CDYL: variants seen among roughly 807,000 people sequenced by gnomAD.
CDYL encodes chromodomain Y like.
CDYL carries 8 observed loss-of-function variants against 47.3 expected under a neutral mutation model. The ratio of observed to expected loss-of-function variants is 0.17; its 90% confidence interval spans 0.10 to 0.31. The LOEUF (loss-of-function observed/expected upper bound fraction) is 0.31. Ranked by LOEUF, CDYL falls within the 10% of genes least tolerant of loss-of-function variation. The pLI is 1.00. For missense variants in CDYL, 471 were observed against 701.4 expected (o/e 0.67, Z 3.71); for synonymous variants, 266 against 265.0 (o/e 1.00, Z -0.04).
upstream of CDYL, among the ~76,000 whole-genome samples, chr6:4,774,292 A>G (rs1378461950): frequency 6.6e-6 from 1 of 152,196 alleles, no homozygotes; most frequent in Non-Finnish European, 1.5e-5. Flanking sequence ...CCAGTATTTG[A>G]GCGCTTGCCG....
intron 2 of CDYL, among the ~76,000 whole-genome samples, chr6:4,900,779 G>GTGTATGTATATATATATA: frequency 3.9e-5 from 2 of 51,720 alleles, no homozygotes; most frequent in African/African-American, 1.3e-4. Context: ...GTATACGTGT[G>GTGTATGTATATATATATA]TATATATATA....
At chr6:4,891,499 G>A (rs993541799) in intron 1 of CDYL, among the ~76,000 whole-genome samples, 4 of 152,160 alleles carry the variant, frequency 2.6e-5, no homozygotes, top group South Asian at 2.1e-4. Flanking sequence ...ATATCCACAC[G>A]TTCTCAGCAT....
intron 1 of CDYL, among the ~76,000 whole-genome samples, chr6:4,709,448 G>A (rs1234735284): frequency 6.6e-6 from 1 of 152,042 alleles, no homozygotes; most frequent in Non-Finnish European, 1.5e-5. Flanking sequence ...CGCCTGCCTC[G>A]GCTTCCCAAA....
intron 4 of CDYL, among the ~76,000 whole-genome samples, chr6:4,942,145 C>T (rs1581284098): frequency 6.6e-6 from 1 of 152,312 alleles, no homozygotes; most frequent in East Asian, 1.9e-4. Context: ...ATGCCTCAGG[C>T]TCTCTCATTT....
At chr6:4,904,826 A>G (rs112597212) in intron 2 of CDYL, among the ~76,000 whole-genome samples, 1,659 of 152,312 alleles carry the variant, frequency 0.011, 39 homozygotes, top group African/African-American at 0.039. Context: ...GGTTGTACTT[A>G]GGACCCGTGT....
chr6:4,755,522 A>G (rs1374251989), intron 3 of CDYL, among the ~76,000 whole-genome samples: 2 of 152,226 alleles, frequency 1.3e-5, no homozygotes, highest in East Asian at 3.8e-4. Flanking sequence ...GGACCTGAAT[A>G]TCACTTGAGT....
chr6:4,779,188 T>C (rs560899192), intron 1 of CDYL, among the ~76,000 whole-genome samples: 1 of 152,352 alleles, frequency 6.6e-6, no homozygotes, highest in Non-Finnish European at 1.5e-5. Context: ...CGCGATAGTC[T>C]GACAAGGCTG....
intron 1 of CDYL, among the ~76,000 whole-genome samples, chr6:4,803,000 C>G (rs1759268912): frequency 3.3e-5 from 5 of 152,182 alleles, no homozygotes; most frequent in Admixed American, 3.3e-4. Flanking sequence ...GTCCCCCACC[C>G]CACACTATCC....
At chr6:4,916,740 T>A (rs1169833723) in intron 2 of CDYL, among the ~76,000 whole-genome samples, 1 of 152,232 alleles carries the variant, frequency 6.6e-6, no homozygotes, top group Non-Finnish European at 1.5e-5. Flanking sequence ...CTCTCCATTC[T>A]CTCAACAGCC....
At chr6:4,822,147 T>C (rs1759856753) in intron 1 of CDYL, among the ~76,000 whole-genome samples, 1 of 143,918 alleles carries the variant, frequency 6.9e-6, no homozygotes, top group Non-Finnish European at 1.5e-5. Flanking sequence ...TTTTCTTTTC[T>C]TTATTTTTTT....
intron 2 of CDYL, 146 bp from the exon 3 acceptor site, chr6:4,935,369 C>G (rs1197808577): frequency 2.8e-6 from 2 of 721,180 alleles, no homozygotes; most frequent in Non-Finnish European, 4.5e-6. Context: ...TAGACTTTGG[C>G]TTTCTAAAGG....
intron 2 of CDYL, among the ~76,000 whole-genome samples, chr6:4,935,222 A>G (rs1361871408): frequency 6.6e-6 from 1 of 152,132 alleles, no homozygotes; most frequent in Non-Finnish European, 1.5e-5. Context: ...TTCTGTCTTG[A>G]TTCTGTCCTT....
intron 3 of CDYL, among the ~76,000 whole-genome samples, chr6:4,737,636 A>G (rs1277487802): frequency 6.6e-6 from 1 of 151,842 alleles, no homozygotes; most frequent in East Asian, 1.9e-4. Context: ...AAAAAAAAAA[A>G]TAGCCTCAGC....
intron 2 of CDYL, among the ~76,000 whole-genome samples, chr6:4,930,984 C>A (rs1317731107): frequency 6.6e-6 from 1 of 152,090 alleles, no homozygotes; most frequent in Non-Finnish European, 1.5e-5. Flanking sequence ...TTCTGAATCT[C>A]AGTGTTTACC....
intron 1 of CDYL, among the ~76,000 whole-genome samples, chr6:4,823,441 C>G (rs1759894608): frequency 6.6e-6 from 1 of 152,206 alleles, no homozygotes; most frequent in Admixed American, 6.5e-5. Flanking sequence ...TGCATGCCTT[C>G]CATACTATCT....
chr6:4,878,259 G>A (rs1761669972), intron 1 of CDYL, among the ~76,000 whole-genome samples: 1 of 151,950 alleles, frequency 6.6e-6, no homozygotes, highest in Non-Finnish European at 1.5e-5. Flanking sequence ...ATAAAGCAAA[G>A]TAGGAAATAG....
In CDYL at chr6:4,840,155, C is replaced by G. The variant is rs552911277; in HGVS notation, c.25-51558C>G. On this transcript the variant is annotated intron_variant, in intron 1 of 6. Transcript: ENST00000397588. The stretch of plus-strand genomic sequence containing the variant: ...TCACCTCCTTAGATCCACTCCTAAG[C>G]ATTTTTTTTTCAACTATTTTTAAAG... Among the ~76,000 whole-genome samples the G allele has an allele frequency of 2.6e-5, 4 of 151,430 alleles. No individual in the cohort carries two copies. The East Asian group carries it at 7.8e-4, about 29-fold the overall frequency.
chr6:4,783,144 A>G (rs1758660656), intron 1 of CDYL, among the ~76,000 whole-genome samples: 1 of 144,132 alleles, frequency 6.9e-6, no homozygotes, highest in Non-Finnish European at 1.5e-5. Context: ...CTTCAATCAG[A>G]TCGTCCATCT....
chr6:4,925,659 G>A lies in CDYL; in HGVS notation c.692-9856G>A, dbSNP rs370044203. On this transcript the variant is annotated intron_variant, in intron 2 of 6. Coordinates refer to ENST00000397588, the MANE Select transcript of CDYL (RefSeq NM_004824.4). ...TCTCGATCTCCTGCCCTCGTGATCC[G>A]CCCACCTCGGCCTCCTAAAGTGCTG... Among the ~76,000 whole-genome samples, 379 of 152,070 alleles carry A rather than the reference G, an allele frequency of 2.5e-3. 1 individual carries two copies. The highest frequency in any genetic ancestry group is 8.6e-3 in the African/African-American group (356 of 41,490).
Sources: allele counts gnomAD v4.1 joint callset (sites outside exome capture counted in the v4.1 genomes callset), GRCh38; gene constraint gnomAD v4.1.1; transcripts MANE v1.5; gene names NCBI Gene and HGNC (gene_info 2026-07-23, HGNC 2026-07-21).